Variants in MXRA5 observed in about 807,000 individuals in gnomAD.
MXRA5 encodes matrix-remodeling-associated protein 5.
MXRA5 carries 41 observed loss-of-function variants against 112.5 expected under a neutral mutation model. The observed-to-expected ratio is 0.36, with a 90% CI of 0.28 to 0.47. The LOEUF (loss-of-function observed/expected upper bound fraction) is 0.47, where lower values mean the gene tolerates loss of function less well. MXRA5 is among the 20% of genes least tolerant of loss of function. The pLI, the probability that MXRA5 is intolerant of heterozygous loss-of-function variation, is 0.99. For missense variants in MXRA5, 2,150 were observed against 2,251.0 expected (o/e 0.96, Z 0.91); for synonymous variants, 862 against 900.8 (o/e 0.96, Z 0.77).
rs1555943433 is a variant in MXRA5, at chrX:3,315,391, T to TCATAGATAGATAGATA, written c.6578+1711_6578+1712insTATCTATCTATCTATG. On this transcript the variant is annotated intron_variant, in intron 6 of 6. Coordinates refer to ENST00000217939, the MANE Select transcript of MXRA5 (RefSeq NM_015419.4). ...TAGATAGAATAGATAGATAGATAGA[T>TCATAGATAGATAGATA]GATAGATAGATAGATAGATAGATAG... 3.5e-5 allele frequency among the ~76,000 whole-genome samples: 2 copies of TCATAGATAGATAGATA among 56,708 alleles called. 1 individual carries two copies. Among genetic ancestry groups the TCATAGATAGATAGATA allele is most frequent in the African/African-American group, 1.6e-4 (2 of 12,229 alleles). 49.2% of individuals were successfully genotyped at this position (56,708 alleles called of 115,157 possible). A position where few individuals can be genotyped will look rare whatever the true frequency, so the allele number is the denominator to read the frequency against.
At position 3,322,265 on chromosome X, in the gene MXRA5, G is replaced by T; in HGVS notation, c.3420C>A (p.Ser1140=). 8.3e-7 allele frequency: 1 copy of T among 1,204,786 alleles called. No homozygotes were observed. Among genetic ancestry groups the T allele is most frequent in the Non-Finnish European group, 1.1e-6 (1 of 891,197 alleles). ...TTPRQKVAPS[S]TMSTHPSRRR... ...TTCGAGAAGGGTGAGTGCTCATGGT[G>T]GATGACGGAGCAACTTTTTGCCTTG... The change falls in exon 5 of 7, where the codon TCC becomes TCA. Residue 1140 remains serine, a synonymous_variant. Transcript: ENST00000217939.
intron 2 of MXRA5, among the ~76,000 whole-genome samples, chrX:3,335,757 C>T (rs1921771694): frequency 8.9e-6 from 1 of 112,359 alleles, no homozygotes; most frequent in Admixed American, 9.4e-5. Flanking sequence ...GGCACATATT[C>T]TCATTCACTC....
chrX:3,314,188 T>C (rs922491351), intron 6 of MXRA5, among the ~76,000 whole-genome samples: 4 of 112,417 alleles, frequency 3.6e-5, no homozygotes, highest in East Asian at 5.5e-4. Flanking sequence ...TCCTCTATTT[T>C]TTGAAACGCT....
chrX:3,311,834 T>C, intron 6 of MXRA5, among the ~76,000 whole-genome samples: 1 of 112,331 alleles, frequency 8.9e-6, no homozygotes, highest in Non-Finnish European at 1.9e-5. Context: ...AATCTGATGT[T>C]AGGCTGGCCT....
chrX:3,329,059 A>G (rs1302633055), intron 4 of MXRA5, among the ~76,000 whole-genome samples: 2 of 97,166 alleles, frequency 2.1e-5, no homozygotes, highest in Non-Finnish European at 4.2e-5. Context: ...GGAAGGAGAG[A>G]ACGAAGGAAG....
rs1403680777 is a variant in MXRA5 at position 3,310,992 on chromosome X, A to T, written c.7211T>A (p.Leu2404His). 2 of 1,209,479 alleles carry T rather than the reference A, an allele frequency of 1.7e-6. No individual in the cohort carries two copies. The highest frequency in any genetic ancestry group is 4.4e-5 in the Admixed American group (2 of 45,703). ...KYQIYQDGTL[L>H]IQKAQRSDSG... is the part of the protein sequence containing the mutation. ...GTCAGAACGCTGGGCTTTCTGAATA[A>T]GGAGAGTGCCATCTTGGTATATCTG... Residue 2404 changes from leucine (L) to histidine (H), a missense_variant, in exon 7 of 7, where the codon CTT (leucine) becomes CAT (histidine). Leu to His is a moderately conservative substitution (Grantham distance 99). Coordinates refer to ENST00000217939, the MANE Select transcript of MXRA5 (RefSeq NM_015419.4).
rs1921645169 is a variant in MXRA5 at position 3,330,748 on chromosome X, C to T, written c.214G>A (p.Glu72Lys). Reference sequence around the variant, plus strand: ...TTGGTCAGTCCTGCAAATGAGGTTTCTGACAGGGCCTGTATGCTATTAAAC... The same window carrying T: ...TTGGTCAGTCCTGCAAATGAGGTTTTTGACAGGGCCTGTATGCTATTAAAC... ...LGFNSIQALS[E>K]TSFAGLTKLE... Residue 72 changes from glutamate (E) to lysine (K), a missense_variant, in exon 3 of 7, where the codon GAA becomes AAA. Physicochemically the swap from Glu to Lys is moderately conservative, Grantham distance 56. Coordinates refer to ENST00000217939, the MANE Select transcript of MXRA5 (RefSeq NM_015419.4). 1 of 1,196,697 alleles carries T rather than the reference C, an allele frequency of 8.4e-7. No individual in the cohort carries two copies. The highest frequency in any genetic ancestry group is 1.1e-6 in the Non-Finnish European group (1 of 884,524).
intron 6 of MXRA5, among the ~76,000 whole-genome samples, chrX:3,315,373 A>ATAGATAGATG: frequency 2.1e-5 from 1 of 48,220 alleles, no homozygotes; most frequent in Non-Finnish European, 3.8e-5. Context: ...AGATAGATAG[A>ATAGATAGATG]ATAGATAGAT....
At position 3,331,877 on chromosome X, in the gene MXRA5, G is replaced by A. The variant is rs764842355; in HGVS notation, c.189-1104C>T. Among the ~76,000 whole-genome samples, 25 of 112,145 alleles carry A rather than the reference G, an allele frequency of 2.2e-4. No individual in the cohort carries two copies. The South Asian group carries it at 8.6e-3, about 39-fold the overall frequency. On this transcript the variant is annotated intron_variant, in intron 2 of 6. Transcript: ENST00000217939. The stretch of plus-strand genomic sequence containing the variant: ...GAAAAAGGAATAGAGAAGCCTGCAC[G>A]CTGTTACCATAAATCACTGTTTCTG...
At chrX:3,332,376 C>T (rs1361948198) in intron 2 of MXRA5, among the ~76,000 whole-genome samples, 1 of 111,119 alleles carries the variant, frequency 9.0e-6, no homozygotes, top group Admixed American at 9.5e-5. Flanking sequence ...TCCCGAGTAG[C>T]TGGGACCACA....
Position 3,311,142 on chromosome X carries a change from A to C in MXRA5, c.7061T>G (p.Leu2354Trp), listed in dbSNP as rs1286087921. The stretch of plus-strand genomic sequence containing the variant: ...GTCTCCATAGGGCACCTGAACCGCC[A>C]AGTAAGTCTTGTTCCGGATGGTGGC... ...APATIRNKTY[L>W]AVQVPYGDVV... Residue 2354 changes from leucine (L) to tryptophan (W), a missense_variant, in exon 7 of 7, where the codon TTG becomes TGG. Transcript: ENST00000217939. 8.3e-7 allele frequency: 1 copy of C among 1,211,541 alleles called. No individual in the cohort carries two copies. Among genetic ancestry groups the C allele is most frequent in the South Asian group, 1.8e-5 (1 of 56,961 alleles).
intron 6 of MXRA5, among the ~76,000 whole-genome samples, chrX:3,313,862 A>G (rs2146915497): frequency 8.9e-6 from 1 of 111,972 alleles, no homozygotes; most frequent in Non-Finnish European, 1.9e-5. Context: ...TCCTGGGTAA[A>G]TTGGGTACAT....
chrX:3,327,002 T>C (rs376713089), intron 4 of MXRA5, among the ~76,000 whole-genome samples: 3 of 111,229 alleles, frequency 2.7e-5, no homozygotes, highest in East Asian at 5.7e-4. Flanking sequence ...TTATATTCTC[T>C]CCCTGACCTA....
Position 3,311,324 on chromosome X carries a change from G to A in MXRA5, c.6879C>T (p.Asp2293=). Reference sequence around the variant, plus strand: ...CATAGCGCTTGGTGCGTCCACCGCTGTCATCCGACTGCATGAAGGAGTTCA... The same window carrying A: ...CATAGCGCTTGGTGCGTCCACCGCTATCATCCGACTGCATGAAGGAGTTCA... ...SLVNSFMQSD[D]SGGRTKRYVV... is the part of the protein sequence containing the mutation. Residue 2293 remains aspartate, a synonymous_variant, in exon 7 of 7, where the codon GAC becomes GAT. Transcript: ENST00000217939. The A allele has an allele frequency of 8.3e-7, 1 of 1,212,048 alleles. No individual in the cohort carries two copies. Among genetic ancestry groups the A allele is most frequent in the South Asian group, 1.8e-5 (1 of 56,981 alleles).
intron 6 of MXRA5, among the ~76,000 whole-genome samples, chrX:3,313,851 T>A (rs772009915): frequency 1.8e-5 from 2 of 112,209 alleles, no homozygotes; most frequent in Admixed American, 1.9e-4. Flanking sequence ...CTGGAAGGCA[T>A]TCCTGGGTAA....
chrX:3,332,628 T>C lies in MXRA5; in HGVS notation c.189-1855A>G, dbSNP rs915198593. Among the ~76,000 whole-genome samples, 12 of 112,608 alleles carry C rather than the reference T, an allele frequency of 1.1e-4. 1 individual carries two copies. Among genetic ancestry groups the C allele is most frequent in the Admixed American group, 8.4e-4 (9 of 10,672 alleles). On this transcript the variant is annotated intron_variant, in intron 2 of 6. Coordinates refer to ENST00000217939, the MANE Select transcript of MXRA5 (RefSeq NM_015419.4). ...CCCACCTTATTGAAATAATGTTGTA[T>C]AGATTCAATATGGTGTATGGGGAAA...
At chrX:3,336,844 G>T in intron 2 of MXRA5, among the ~76,000 whole-genome samples, 1 of 111,629 alleles carries the variant, frequency 9.0e-6, no homozygotes, top group African/African-American at 3.3e-5. Context: ...TTTGAACTTC[G>T]CTCAATATGA....
intron 1 of MXRA5, among the ~76,000 whole-genome samples, chrX:3,345,386 GC>G (rs1922083319): frequency 1.8e-5 from 2 of 112,822 alleles, no homozygotes. Flanking sequence ...TTTCTCTCTC[GC>G]CAGAGCCCGG....
rs761252096 is a variant in MXRA5, at chrX:3,317,376, A to G, written c.6305T>C (p.Phe2102Ser). 4.6e-5 allele frequency: 56 copies of G among 1,208,464 alleles called. No homozygotes were observed. The Middle Eastern group carries it at 7.9e-4, about 17-fold the overall frequency. ...GCGGATGTAGAGCGTCCCGTTGGGGAAAACAAACAAGTTCCCGTGGAGGAA... is the reference window on the plus strand; with the variant it reads ...GCGGATGTAGAGCGTCCCGTTGGGGGAAACAAACAAGTTCCCGTGGAGGAA... ...SQFLHGNLFV[F>S]PNGTLYIRNL... Residue 2102 changes from phenylalanine (F) to serine (S), a missense_variant, in exon 6 of 7, where the codon TTC (phenylalanine) becomes TCC (serine). Physicochemically the swap from Phe to Ser is radical, Grantham distance 155. Around this residue, in one of 6 missense-constraint regions of MXRA5, gnomAD observed 1,485 missense variants for 1,471.6 expected, o/e 1.01. Transcript: ENST00000217939.
Sources: gnomAD v4.1 joint callset for allele counts (sites outside exome capture counted in the v4.1 genomes callset) on GRCh38, gnomAD v4.1.1 for gene constraint, gnomAD v4.1.1 regional missense constraint, MANE v1.5 for transcripts, NCBI Gene and HGNC (gene_info 2026-07-23, HGNC 2026-07-21) for gene names.